Variants in EBPL observed in about 807,000 individuals in gnomAD.
EBPL encodes EBP like, also known as emopamil-binding protein-like.
Under a neutral mutation model 19.0 loss-of-function variants are expected in EBPL, and 20 were observed. The observed-to-expected ratio is 1.05, with a 90% CI of 0.74 to 1.53. The LOEUF (loss-of-function observed/expected upper bound fraction) is 1.53, where lower values mean the gene tolerates loss of function less well. Ranked by LOEUF, EBPL falls within the 40% of genes most tolerant of loss-of-function variation. The pLI, the probability that EBPL is intolerant of heterozygous loss-of-function variation, is 0.00. For missense variants in EBPL, 219 were observed against 261.1 expected (o/e 0.84, Z 1.11); for synonymous variants, 107 against 117.0 (o/e 0.91, Z 0.55).
At chr13:49,671,751 AT>A (rs1953818777) in intron 1 of EBPL, among the ~76,000 whole-genome samples, 3 of 152,194 alleles carry the variant, frequency 2.0e-5, no homozygotes, top group Admixed American at 2.0e-4. Flanking sequence ...TGTAAATCTC[AT>A]CCTAAAACGA....
chr13:49,665,750 T>C (rs1965217397), intron 2 of EBPL, among the ~76,000 whole-genome samples: 1 of 151,084 alleles, frequency 6.6e-6, no homozygotes, highest in Non-Finnish European at 1.5e-5. Context: ...GAAGGTGTTA[T>C]GGTAGGCCCT....
At chr13:49,667,472 G>A (rs895048610) in intron 2 of EBPL, among the ~76,000 whole-genome samples, 1 of 152,176 alleles carries the variant, frequency 6.6e-6, no homozygotes, top group Non-Finnish European at 1.5e-5. Flanking sequence ...GCCAAGGTCA[G>A]AACACAGGTC....
chr13:49,661,738 C>T (rs995053547), intron 3 of EBPL: 30 of 1,458,674 alleles, frequency 2.1e-5, no homozygotes, highest in Middle Eastern at 3.6e-4. Context: ...GTGAAAAATA[C>T]GTCAAGGTAC....
At chr13:49,663,602 A>T (rs1422723073) in intron 2 of EBPL, among the ~76,000 whole-genome samples, 1 of 152,208 alleles carries the variant, frequency 6.6e-6, no homozygotes, top group Non-Finnish European at 1.5e-5. Flanking sequence ...TGTAAGTATA[A>T]TGGAGATGTG....
intron 2 of EBPL, among the ~76,000 whole-genome samples, chr13:49,669,239 C>T (rs765485575): frequency 1.1e-4 from 16 of 152,068 alleles, no homozygotes; most frequent in Non-Finnish European, 1.3e-4. Context: ...CTTGCTCTGT[C>T]GCCCGGGCTG....
In EBPL at chr13:49,663,105, G is replaced by A. The variant is rs751139616; in HGVS notation, c.332C>T (p.Ser111Phe). The change falls in exon 3 of 4, where the codon TCT becomes TTT. Residue 111 changes from serine (S) to phenylalanine (F), a missense_variant. Around this residue, in one of 2 missense-constraint regions of EBPL, gnomAD observed 170 missense variants for 167.0 expected, o/e 1.02. Coordinates refer to ENST00000242827, the MANE Select transcript of EBPL (RefSeq NM_032565.5). ...VEILTVALDG[S>F]LALFLIYAIV... is the part of the protein sequence containing the mutation. ...GGCATAAATGAGGAACAATGCCAGAGACCCATCCAGGGCGACGGTCAGAAT... is the reference window on the plus strand; with the variant it reads ...GGCATAAATGAGGAACAATGCCAGAAACCCATCCAGGGCGACGGTCAGAAT... The A allele has an allele frequency of 2.5e-5, 40 of 1,614,070 alleles. No individual in the cohort carries two copies. In the South Asian group the frequency reaches 4.1e-4, roughly 16 times the overall value.
At chr13:49,665,059 A>G (rs1429399789) in intron 2 of EBPL, among the ~76,000 whole-genome samples, 2 of 152,108 alleles carry the variant, frequency 1.3e-5, no homozygotes, top group Admixed American at 6.6e-5. Context: ...CTAATAAAAT[A>G]TCACCTAAGT....
chr13:49,667,688 T>C (rs757434533), intron 2 of EBPL, among the ~76,000 whole-genome samples: 4 of 152,240 alleles, frequency 2.6e-5, no homozygotes, highest in Admixed American at 6.5e-5. Context: ...TCTTACTGTG[T>C]TGCCCTGGCT....
Position 49,685,060 on chromosome 13 carries a change from CACGCCTGGCTAATTTTTGT to C in EBPL, c.171+6175_171+6193del, listed in dbSNP as rs553155365. Among the ~76,000 whole-genome samples the C allele has an allele frequency of 5.1e-3, 773 of 152,296 alleles. 3 individuals are homozygous for C. Among genetic ancestry groups the C allele is most frequent in the Admixed American group, 0.01 (159 of 15,296 alleles). On this transcript the variant is annotated intron_variant, in intron 1 of 3. Transcript: ENST00000242827. ...AGCTGGGACTGCAGGTGCATGCTACCACGCCTGGCTAATTTTTGTACGCACCTGGTCAGCAAAGTGAATT... is the reference window on the plus strand; with the variant it reads ...AGCTGGGACTGCAGGTGCATGCTACCACGCACCTGGTCAGCAAAGTGAATT...
At chr13:49,689,752 T>C (rs1420170498) in intron 1 of EBPL, among the ~76,000 whole-genome samples, 1 of 152,238 alleles carries the variant, frequency 6.6e-6, no homozygotes, top group Non-Finnish European at 1.5e-5. Context: ...ATTTTTGTTA[T>C]GTTATACATT....
rs1295820338 is a variant in EBPL at position 49,663,781 on chromosome 13, CA to C, written c.242-587del. 1.2e-4 allele frequency among the ~76,000 whole-genome samples: 18 copies of C among 151,338 alleles called. No individual in the cohort carries two copies. In the East Asian group the frequency reaches 3.1e-3, roughly 26 times the overall value. ...TGAAACCCTGTCTCTACTAAAAATA[CA>C]AAAAATTAGCCAGGCATGGTGGCGG... On this transcript the variant is annotated intron_variant, in intron 2 of 3. Coordinates refer to ENST00000242827, the MANE Select transcript of EBPL (RefSeq NM_032565.5).
chr13:49,667,086 C>T (rs140451069), intron 2 of EBPL, among the ~76,000 whole-genome samples: 4 of 152,034 alleles, frequency 2.6e-5, no homozygotes, highest in Non-Finnish European at 5.9e-5. Flanking sequence ...AAGGTTAATG[C>T]GTGAGAGGAA....
At chr13:49,675,984 T>G (rs1359181593) in intron 1 of EBPL, among the ~76,000 whole-genome samples, 2 of 152,182 alleles carry the variant, frequency 1.3e-5, no homozygotes, top group Non-Finnish European at 2.9e-5. Flanking sequence ...CTGAACATAT[T>G]TTCATGTACA....
At chr13:49,667,511 C>T (rs546149485) in intron 2 of EBPL, among the ~76,000 whole-genome samples, 29 of 152,248 alleles carry the variant, frequency 1.9e-4, no homozygotes, top group East Asian at 3.9e-4. Flanking sequence ...CCTAGACACA[C>T]GGTATCAGAA....
intron 3 of EBPL, chr13:49,661,881 G>C: frequency 6.4e-7 from 1 of 1,550,528 alleles, no homozygotes; most frequent in South Asian, 1.2e-5. Context: ...ATTGTTTTAG[G>C]GATTCATCTC....
rs576299661 is a variant in EBPL at position 49,681,242 on chromosome 13, G to A, written c.171+10012C>T. ...AGCTTAAAAATTAAAATGTATTATAGCAAATAAAGAAAGGCCAGTCTCATT... is the reference window on the plus strand; with the variant it reads ...AGCTTAAAAATTAAAATGTATTATAACAAATAAAGAAAGGCCAGTCTCATT... On this transcript the variant is annotated intron_variant, in intron 1 of 3. Transcript: ENST00000242827. 1.3e-4 allele frequency among the ~76,000 whole-genome samples: 20 copies of A among 152,134 alleles called. No individual in the cohort carries two copies. The East Asian group carries it at 3.1e-3, about 23-fold the overall frequency.
intron 2 of EBPL, among the ~76,000 whole-genome samples, chr13:49,663,935 A>C (rs1357891295): frequency 1.4e-5 from 2 of 146,460 alleles, no homozygotes; most frequent in Non-Finnish European, 3.0e-5. Flanking sequence ...AAAAAAAAAA[A>C]AACAAAAAAA....
intron 1 of EBPL, 51 bp from the exon 2 acceptor site, chr13:49,669,897 G>C (rs762811551): frequency 1.4e-6 from 2 of 1,450,708 alleles, no homozygotes; most frequent in East Asian, 4.5e-5. Flanking sequence ...ACAACCACAG[G>C]ATGGCACTGT....
At chr13:49,683,119 G>A (rs185668289) in intron 1 of EBPL, among the ~76,000 whole-genome samples, 4 of 152,200 alleles carry the variant, frequency 2.6e-5, no homozygotes, top group Admixed American at 2.0e-4. Context: ...GATTACAGGT[G>A]TGCACTGCCA....
Sources: allele counts gnomAD v4.1 joint callset (sites outside exome capture counted in the v4.1 genomes callset), GRCh38; gene constraint gnomAD v4.1.1; regional missense constraint gnomAD v4.1.1; transcripts MANE v1.5; gene names NCBI Gene and HGNC (gene_info 2026-07-23, HGNC 2026-07-21).